The following SARNP variants were observed in gnomAD, a reference collection of about 807,000 sequenced individuals.
SARNP encodes the protein SAP domain-containing ribonucleoprotein.
A neutral mutation model predicts 38.1 loss-of-function variants in SARNP; 5 were observed. That is an observed-to-expected ratio of 0.13 (90% confidence interval 0.07 to 0.28). The LOEUF (loss-of-function observed/expected upper bound fraction) is 0.28. SARNP is among the 10% of genes least tolerant of loss of function. The pLI is 1.00. For synonymous variants in SARNP, 84 were observed against 80.6 expected (o/e 1.04, Z -0.23); for missense variants, 180 against 243.9 (o/e 0.74, Z 1.75).
intron 1 of SARNP, among the ~76,000 whole-genome samples, chr12:55,806,233 T>C (rs1029495832): frequency 3.3e-5 from 5 of 152,046 alleles, no homozygotes; most frequent in South Asian, 2.1e-4. Flanking sequence ...ATGATAACAG[T>C]ACCTATTTCA....
chr12:55,758,258 C>T (rs766099009), intron 10 of SARNP, among the ~76,000 whole-genome samples: 2 of 152,210 alleles, frequency 1.3e-5, no homozygotes, highest in Non-Finnish European at 2.9e-5. Context: ...ATACAAACTC[C>T]TCTGGCTTTT....
intron 2 of SARNP, among the ~76,000 whole-genome samples, chr12:55,802,952 G>GA (rs982545064): frequency 6.1e-5 from 9 of 147,250 alleles, no homozygotes; most frequent in African/African-American, 2.2e-4. Flanking sequence ...AATACTTAGT[G>GA]AAAAAAATGA....
At chr12:55,761,052 C>A (rs764315664) in intron 9 of SARNP, among the ~76,000 whole-genome samples, 7 of 151,902 alleles carry the variant, frequency 4.6e-5, no homozygotes, top group Non-Finnish European at 8.8e-5. Context: ...TGGCGGGCGC[C>A]TGTAATCCCA....
intron 9 of SARNP, among the ~76,000 whole-genome samples, chr12:55,776,418 T>C (rs1379300911): frequency 6.6e-6 from 1 of 152,146 alleles, no homozygotes; most frequent in African/African-American, 2.4e-5. Context: ...TGAGACCACA[T>C]CTTTAAAAAC....
At chr12:55,789,849 CAGG>C (rs1409368754) in intron 8 of SARNP, among the ~76,000 whole-genome samples, 2 of 148,110 alleles carry the variant, frequency 1.4e-5, no homozygotes, top group African/African-American at 5.0e-5. Flanking sequence ...GAGGCTGAGG[CAGG>C]AGAATTCCTT....
intron 1 of SARNP, among the ~76,000 whole-genome samples, chr12:55,814,055 G>A (rs1880410855): frequency 6.6e-6 from 1 of 152,210 alleles, no homozygotes; most frequent in Non-Finnish European, 1.5e-5. Flanking sequence ...GGCAATTGAT[G>A]AAGCATTCTG....
At chr12:55,804,156 T>C (rs1488922084) in intron 1 of SARNP, among the ~76,000 whole-genome samples, 1 of 152,226 alleles carries the variant, frequency 6.6e-6, no homozygotes, top group Non-Finnish European at 1.5e-5. Flanking sequence ...AGATCCGTTA[T>C]TACAATCTAC....
Position 55,799,322 on chromosome 12 carries a change from T to C in SARNP, c.251+1240A>G, listed in dbSNP as rs541873314. 5.3e-5 allele frequency among the ~76,000 whole-genome samples: 8 copies of C among 152,308 alleles called. No homozygotes were observed. In the East Asian group the frequency reaches 1.5e-3, roughly 29 times the overall value. On this transcript the variant is annotated intron_variant, in intron 4 of 10. Coordinates refer to ENST00000336133, the MANE Select transcript of SARNP (RefSeq NM_033082.4). Reference sequence around the variant, plus strand: ...AAGTTTAGGACTCAACGGCTCTTAATGTACTATAGTACAAAATGGCCAGAC... The same window carrying C: ...AAGTTTAGGACTCAACGGCTCTTAACGTACTATAGTACAAAATGGCCAGAC...
chr12:55,763,701 C>T (rs1878744334), intron 9 of SARNP, among the ~76,000 whole-genome samples: 1 of 152,144 alleles, frequency 6.6e-6, no homozygotes, highest in South Asian at 2.1e-4. Flanking sequence ...AATCCTCTTG[C>T]CTCAGCCTCC....
chr12:55,758,602 AC>A (rs1878583716), intron 10 of SARNP, among the ~76,000 whole-genome samples: 1 of 151,976 alleles, frequency 6.6e-6, no homozygotes, highest in African/African-American at 2.4e-5. Flanking sequence ...CTGAGATCGC[AC>A]CACTGCACTC....
At chr12:55,803,783 T>C (rs528649978) in intron 1 of SARNP, 55 bp from the exon 2 acceptor site, 8 of 1,168,952 alleles carry the variant, frequency 6.8e-6, no homozygotes, top group African/African-American at 1.5e-5. Context: ...CACCAGTGAA[T>C]AAAATGGTAG....
intron 9 of SARNP, among the ~76,000 whole-genome samples, chr12:55,781,544 A>C (rs1023795898): frequency 8.6e-5 from 13 of 151,886 alleles, no homozygotes; most frequent in South Asian, 4.1e-4. Flanking sequence ...AAAAAAAAAA[A>C]AAAACAAAAA....
At chr12:55,753,669 C>G (rs982754275), downstream of SARNP, 2 of 148,452 alleles carry the variant, frequency 1.3e-5, no homozygotes, top group Non-Finnish European at 2.9e-5. Flanking sequence ...ACATGGAAGG[C>G]TGAGGCAGAA....
chr12:55,790,144 C>T (rs181547885), intron 8 of SARNP, among the ~76,000 whole-genome samples: 4 of 150,614 alleles, frequency 2.7e-5, no homozygotes, highest in Admixed American at 2.7e-4. Context: ...ATTCTTTACT[C>T]TGATTTCACA....
At chr12:55,801,296 A>G (rs1248641254) in intron 2 of SARNP, among the ~76,000 whole-genome samples, 1 of 152,112 alleles carries the variant, frequency 6.6e-6, no homozygotes, top group Non-Finnish European at 1.5e-5. Context: ...TAAAAAAATT[A>G]GCTGGGTGTG....
Position 55,763,072 on chromosome 12 carries a change from TAC to T in SARNP, c.502-2434_502-2433del, listed in dbSNP as rs367640671. On this transcript the variant is annotated intron_variant, in intron 9 of 10. Transcript: ENST00000336133. ...TTTATTACTAGAATAAACTACTGCC[TAC>T]ACAGTTTTTCTGCCTTTCTCATTAT... Among the ~76,000 whole-genome samples the T allele has an allele frequency of 3.2e-3, 494 of 152,346 alleles. 2 individuals are homozygous for T. Among genetic ancestry groups the T allele is most frequent in the African/African-American group, 0.011 (470 of 41,576 alleles).
At chr12:55,779,874 T>C (rs1438309660) in intron 9 of SARNP, among the ~76,000 whole-genome samples, 5 of 152,122 alleles carry the variant, frequency 3.3e-5, no homozygotes, top group African/African-American at 4.8e-5. Flanking sequence ...AGGCCAGGCA[T>C]GGTGGCCCAA....
intron 10 of SARNP, among the ~76,000 whole-genome samples, chr12:55,759,232 G>A (rs1270873285): frequency 6.6e-6 from 1 of 152,048 alleles, no homozygotes; most frequent in Non-Finnish European, 1.5e-5. Context: ...TCCTTTTCCA[G>A]AAATGAGTTA....
chr12:55,764,726 G>A (rs995041029), intron 9 of SARNP, among the ~76,000 whole-genome samples: 2 of 150,256 alleles, frequency 1.3e-5, no homozygotes, highest in African/African-American at 4.9e-5. Context: ...TCCCTACTCG[G>A]GAAGCTGAGG....
Sources: allele counts gnomAD v4.1 joint callset (sites outside exome capture counted in the v4.1 genomes callset), GRCh38; gene constraint gnomAD v4.1.1; transcripts MANE v1.5; gene names NCBI Gene and HGNC (gene_info 2026-07-23, HGNC 2026-07-21).